Variants in KIAA1217 observed in about 807,000 individuals in gnomAD.
KIAA1217 encodes the protein KIAA1217, also known as sickle tail protein homolog.
KIAA1217 carries 88 observed loss-of-function variants against 163.9 expected under a neutral mutation model. That is an observed-to-expected ratio of 0.54 (90% confidence interval 0.45 to 0.64). The LOEUF is 0.64. Ranked by LOEUF, KIAA1217 falls within the 30% of genes least tolerant of loss-of-function variation. The pLI is 0.00. For missense variants in KIAA1217, 2,372 were observed against 2,475.0 expected, an observed-to-expected ratio of 0.96 and a Z score of 0.88; for synonymous variants, 903 against 923.1, an observed-to-expected ratio of 0.98 and a Z score of 0.39.
chr10:24,402,516 C>CA (rs372012492), intron 3 of KIAA1217, among the ~76,000 whole-genome samples: 10,170 of 92,566 alleles, frequency 0.11, 2,007 homozygotes, highest in African/African-American at 0.41. Flanking sequence ...CTCAAAAAAA[C>CA]AAAAAACAAA....
intron 1 of KIAA1217, among the ~76,000 whole-genome samples, chr10:23,852,926 G>C (rs940922468): frequency 9.2e-5 from 14 of 152,112 alleles, no homozygotes; most frequent in African/African-American, 3.4e-4. Context: ...GAGACAATGG[G>C]GTTTTCTAGA....
At chr10:24,339,531 G>A (rs1378803235) in intron 2 of KIAA1217, among the ~76,000 whole-genome samples, 2 of 152,218 alleles carry the variant, frequency 1.3e-5, no homozygotes, top group African/African-American at 4.8e-5. Context: ...AAGTTCAAGG[G>A]TGAGGTGATA....
chr10:24,460,937 C>G (rs2062339327), intron 5 of KIAA1217, among the ~76,000 whole-genome samples: 1 of 152,154 alleles, frequency 6.6e-6, no homozygotes, highest in Non-Finnish European at 1.5e-5. Flanking sequence ...TAGTAAGAAG[C>G]TGAGACCACA....
chr10:24,473,598 T>C lies in KIAA1217; in HGVS notation c.1217T>C (p.Ile406Thr). Residue 406 changes from isoleucine to threonine, a missense_variant, in exon 6 of 21, where the codon ATA becomes ACA. Ile to Thr is a moderately conservative substitution (Grantham distance 89). Around this residue, in one of 3 missense-constraint regions of KIAA1217, gnomAD observed 1,431 missense variants for 1,470.3 expected, o/e 0.97. Coordinates refer to ENST00000376454, the MANE Select transcript of KIAA1217 (RefSeq NM_019590.5). Reference protein sequence around the residue: ...PYLYHEGRMSIASSHGGHPLD... With the variant: ...PYLYHEGRMSTASSHGGHPLD... ...CTTTATCACGAGGGACGGATGAGCA[T>C]AGCCTCATCCCATGGTGGACACCCA... 6.2e-6 allele frequency: 10 copies of C among 1,614,166 alleles called. No individual in the cohort carries two copies. Among genetic ancestry groups the C allele is most frequent in the Non-Finnish European group, 8.5e-6 (10 of 1,180,022 alleles).
At chr10:24,464,764 C>T (rs554860954) in intron 5 of KIAA1217, among the ~76,000 whole-genome samples, 4 of 152,280 alleles carry the variant, frequency 2.6e-5, no homozygotes, top group African/African-American at 7.2e-5. Context: ...GGATTACAGG[C>T]GTGAGCCACA....
chr10:23,715,638 T>C (rs532594277), intron 1 of KIAA1217, among the ~76,000 whole-genome samples: 2 of 152,272 alleles, frequency 1.3e-5, no homozygotes, highest in East Asian at 3.9e-4. Flanking sequence ...AAAATGAGCA[T>C]GAAGTGATGA....
intron 2 of KIAA1217, among the ~76,000 whole-genome samples, chr10:24,040,113 C>G (rs1399103298): frequency 1.3e-5 from 2 of 152,228 alleles, no homozygotes; most frequent in African/African-American, 4.8e-5. Context: ...TGGCACTGAT[C>G]CTTCCAGTCA....
At chr10:24,363,128 A>G (rs969242658) in intron 2 of KIAA1217, among the ~76,000 whole-genome samples, 1 of 152,194 alleles carries the variant, frequency 6.6e-6, no homozygotes, top group African/African-American at 2.4e-5. Flanking sequence ...TATTATAGAA[A>G]ACCCTGAAAT....
intron 2 of KIAA1217, among the ~76,000 whole-genome samples, chr10:24,008,164 A>AGAT (rs1191138015): frequency 8.8e-6 from 1 of 113,682 alleles, no homozygotes; most frequent in African/African-American, 4.7e-5. Flanking sequence ...GAAATTAGAT[A>AGAT]GATAGATAGA....
At chr10:24,045,336 T>C (rs756692007) in intron 2 of KIAA1217, among the ~76,000 whole-genome samples, 3 of 152,094 alleles carry the variant, frequency 2.0e-5, no homozygotes, top group Non-Finnish European at 4.4e-5. Context: ...ATAGGTGTTT[T>C]ATTCATTCAT....
chr10:24,454,199 T>A (rs1400765438), intron 5 of KIAA1217, among the ~76,000 whole-genome samples: 1 of 152,220 alleles, frequency 6.6e-6, no homozygotes, highest in East Asian at 1.9e-4. Flanking sequence ...ATTAAATAGT[T>A]TTTTGAGCAG....
At chr10:23,932,429 G>T (rs1252852073) in intron 1 of KIAA1217, among the ~76,000 whole-genome samples, 1 of 150,384 alleles carries the variant, frequency 6.6e-6, no homozygotes, top group Non-Finnish European at 1.5e-5. Context: ...AAAAAAAAGT[G>T]CAACTTTAGA....
intron 10 of KIAA1217, 120 bp downstream of exon 10, chr10:24,513,554 T>A: frequency 1.1e-6 from 1 of 906,804 alleles, no homozygotes; most frequent in Non-Finnish European, 1.7e-6. Flanking sequence ...ACCTACTGTG[T>A]AAAAGTTAGA....
chr10:23,782,737 G>A (rs1835314507), intron 1 of KIAA1217, among the ~76,000 whole-genome samples: 1 of 152,036 alleles, frequency 6.6e-6, no homozygotes, highest in African/African-American at 2.4e-5. Context: ...TTTTTTGTAT[G>A]GAGTCTTTAG....
chr10:23,738,765 C>T (rs1468290049), intron 1 of KIAA1217, among the ~76,000 whole-genome samples: 15 of 152,062 alleles, frequency 9.9e-5, no homozygotes, highest in Admixed American at 9.2e-4. Flanking sequence ...ACATATTTAT[C>T]GAGCACCTAC....
intron 9 of KIAA1217, among the ~76,000 whole-genome samples, chr10:24,502,232 C>T (rs2067726867): frequency 7.3e-6 from 1 of 136,764 alleles, no homozygotes; most frequent in South Asian, 2.4e-4. Context: ...GGTGGATAGT[C>T]AGCCAAGCTT....
chr10:24,540,264 C>T (rs1325755058), intron 17 of KIAA1217, among the ~76,000 whole-genome samples: 6 of 152,256 alleles, frequency 3.9e-5, no homozygotes, highest in African/African-American at 4.8e-5. Context: ...GACCGAGTCT[C>T]GCTCTCTCGC....
chr10:24,253,190 A>G (rs887910310), intron 2 of KIAA1217, among the ~76,000 whole-genome samples: 5 of 152,164 alleles, frequency 3.3e-5, no homozygotes, highest in African/African-American at 7.2e-5. Flanking sequence ...GTAAGCTTCA[A>G]TCAGGATTTT....
At chr10:23,702,826 T>C (rs1836561905) in intron 1 of KIAA1217, among the ~76,000 whole-genome samples, 1 of 152,098 alleles carries the variant, frequency 6.6e-6, no homozygotes, top group Non-Finnish European at 1.5e-5. Context: ...ACATAAATAA[T>C]ATTAAGTTAA....
Sources: allele counts gnomAD v4.1 joint callset (sites outside exome capture counted in the v4.1 genomes callset), GRCh38; gene constraint gnomAD v4.1.1; regional missense constraint gnomAD v4.1.1; transcripts MANE v1.5; gene names NCBI Gene and HGNC (gene_info 2026-07-23, HGNC 2026-07-21).